The following BIRC6 variants were observed in gnomAD, a reference collection of about 807,000 sequenced individuals.
BIRC6 encodes the protein baculoviral IAP repeat containing 6, also known as dual E2 ubiquitin-conjugating enzyme/E3 ubiquitin-protein ligase BIRC6.
In BIRC6, 98 loss-of-function variants were observed where a neutral mutation model predicts 503.3. The ratio of observed to expected loss-of-function variants is 0.19; its 90% CI spans 0.17 to 0.23. BIRC6 has a LOEUF of 0.23. Among genes scored for constraint, BIRC6 ranks in the 10% least tolerant of loss-of-function variants. The probability of loss-of-function intolerance (pLI) is 1.00; values close to 1 mark genes in which losing one functional copy is unlikely to be tolerated. For missense variants in BIRC6, 5,360 were observed against 5,806.0 expected (o/e 0.92, Z 2.50); for synonymous variants, 2,240 against 2,078.7 (o/e 1.08, Z -2.11).
chr2:32,400,439 A>G (rs1381756981), intron 6 of BIRC6, among the ~76,000 whole-genome samples: 2 of 150,732 alleles, frequency 1.3e-5, no homozygotes, highest in Admixed American at 1.3e-4. Context: ...CCTGGGTTCA[A>G]GCAATTCTTC....
chr2:32,608,118 A>G (rs1361355198), intron 72 of BIRC6, among the ~76,000 whole-genome samples: 1 of 150,672 alleles, frequency 6.6e-6, no homozygotes, highest in Admixed American at 6.6e-5. Flanking sequence ...CAATATAGCA[A>G]GACCCCATCT....
chr2:32,513,630 G>A (rs2054672979), intron 54 of BIRC6, among the ~76,000 whole-genome samples: 1 of 152,166 alleles, frequency 6.6e-6, no homozygotes, highest in Admixed American at 6.5e-5. Flanking sequence ...AAGTCAGAAA[G>A]CTGGGCACAG....
intron 39 of BIRC6, among the ~76,000 whole-genome samples, 179 bp from the exon 40 acceptor site, chr2:32,485,464 C>A (rs901765057): frequency 1.3e-5 from 2 of 152,046 alleles, no homozygotes; most frequent in Non-Finnish European, 2.9e-5. Context: ...CTGTCTCTAC[C>A]CTCCTTTCCA....
At chr2:32,562,134 C>T (rs1198659204) in intron 65 of BIRC6, among the ~76,000 whole-genome samples, 2 of 151,978 alleles carry the variant, frequency 1.3e-5, no homozygotes, top group Non-Finnish European at 2.9e-5. Flanking sequence ...CTCTTTTTCC[C>T]CTTCTCTTCC....
chr2:32,358,232 C>G (rs960468896), intron 1 of BIRC6, among the ~76,000 whole-genome samples: 3 of 152,158 alleles, frequency 2.0e-5, no homozygotes, highest in African/African-American at 4.8e-5. Flanking sequence ...GAAATAGATT[C>G]CTTTGGGTTT....
intron 61 of BIRC6, among the ~76,000 whole-genome samples, chr2:32,537,532 T>C (rs1379594309): frequency 6.6e-6 from 1 of 152,218 alleles, no homozygotes; most frequent in Non-Finnish European, 1.5e-5. Context: ...TAGAATTTTA[T>C]ACTCATTGGA....
chr2:32,374,955 G>A (rs1007786388), intron 1 of BIRC6, among the ~76,000 whole-genome samples: 4 of 152,138 alleles, frequency 2.6e-5, no homozygotes, highest in Non-Finnish European at 4.4e-5. Flanking sequence ...CATTTGGGGA[G>A]TGTTGAGGTT....
intron 61 of BIRC6, among the ~76,000 whole-genome samples, chr2:32,542,990 G>GTGTT (rs147682679): frequency 0.016 from 2,487 of 152,130 alleles, 50 homozygotes; most frequent in African/African-American, 0.058. Context: ...AGTAGAGACG[G>GTGTT]TGTTTCACCG....
intron 15 of BIRC6, among the ~76,000 whole-genome samples, chr2:32,438,566 T>C (rs1044277154): frequency 6.7e-6 from 1 of 149,734 alleles, no homozygotes; most frequent in Non-Finnish European, 1.5e-5. Flanking sequence ...TTCTTTTTTT[T>C]TTTTTTTTTT....
At chr2:32,496,906 A>G (rs149493609) in intron 45 of BIRC6, among the ~76,000 whole-genome samples, 96 of 152,292 alleles carry the variant, frequency 6.3e-4, no homozygotes, top group African/African-American at 2.2e-3. Context: ...GACTTCAAGT[A>G]TGCTGTTGAG....
chr2:32,375,686 A>G (rs2036646405), intron 1 of BIRC6, among the ~76,000 whole-genome samples: 1 of 151,824 alleles, frequency 6.6e-6, no homozygotes, highest in South Asian at 2.1e-4. Context: ...CAGATGACAT[A>G]CATTTACCGT....
intron 65 of BIRC6, among the ~76,000 whole-genome samples, chr2:32,566,712 T>A (rs915033968): frequency 1.4e-4 from 22 of 152,304 alleles, no homozygotes; most frequent in African/African-American, 4.3e-4. Flanking sequence ...AAATATGATA[T>A]ACCTGTTTAT....
Position 32,400,336 on chromosome 2 carries a change from C to CTTTTT in BIRC6, c.1035-811_1035-807dup, listed in dbSNP as rs746431747. On this transcript the variant is annotated intron_variant, in intron 6 of 73. Transcript: ENST00000421745. Reference sequence around the variant, plus strand: ...ACTAGAGATCTTTCTGCTTTCAGATCTTTTTTTTTTTTTTTTTTTTGAGGT... The same window carrying CTTTTT: ...ACTAGAGATCTTTCTGCTTTCAGATCTTTTTTTTTTTTTTTTTTTTTTTTTGAGGT... 4.6e-4 allele frequency among the ~76,000 whole-genome samples: 55 copies of CTTTTT among 118,324 alleles called. 3 individuals carry two copies. The highest frequency in any genetic ancestry group is 2.6e-4 in the South Asian group (1 of 3,786). The allele number at this position is 118,324 out of a possible 152,430, so 77.6% of individuals were successfully genotyped here. A position where few individuals can be genotyped will look rare whatever the true frequency, so the allele number is the denominator to read the frequency against.
chr2:32,447,583 GGGCGGCTGGCCA>G (rs1232702514), intron 21 of BIRC6, among the ~76,000 whole-genome samples: 3 of 116,764 alleles, frequency 2.6e-5, no homozygotes, highest in African/African-American at 1.1e-4. Flanking sequence ...CTCCCGGACG[GGGCGGCTGGCCA>G]GGCGGGGGGC....
At chr2:32,583,245 T>C (rs1225960575) in intron 66 of BIRC6, among the ~76,000 whole-genome samples, 1 of 152,236 alleles carries the variant, frequency 6.6e-6, no homozygotes, top group Non-Finnish European at 1.5e-5. Context: ...TTGACAATTC[T>C]TTAGGCAGTT....
chr2:32,529,887 A>G (rs2056585863), intron 60 of BIRC6, 63 bp downstream of exon 60: 3 of 1,069,608 alleles, frequency 2.8e-6, no homozygotes, highest in Admixed American at 3.6e-5. Context: ...AGATTTCTAT[A>G]GCTAATGACT....
chr2:32,521,334 A>G (rs1334383154), intron 57 of BIRC6, among the ~76,000 whole-genome samples: 1 of 122,496 alleles, frequency 8.2e-6, no homozygotes, highest in African/African-American at 3.0e-5. Flanking sequence ...TGAGTTCCAG[A>G]CCACCTGGGC....
Position 32,529,707 on chromosome 2 carries a change from C to G in BIRC6, c.11977C>G (p.Arg3993Gly). The change falls in exon 60 of 74, where the codon CGA becomes GGA. Residue 3993 changes from arginine to glycine, a missense_variant. Physicochemically the swap from Arg to Gly is moderately radical, Grantham distance 125. Coordinates refer to ENST00000421745, the MANE Select transcript of BIRC6 (RefSeq NM_016252.4). ...LAQLLTLLYD[R>G]KLPQGYRSID... ...CCAGCTTTTAACTCTCCTATATGAC[C>G]GAAAACTTCCTCAGGGTTACCGCTC... 1 of 1,613,022 alleles carries G rather than the reference C, an allele frequency of 6.2e-7. No homozygotes were observed.
At chr2:32,400,529 G>A (rs190215341) in intron 6 of BIRC6, among the ~76,000 whole-genome samples, 10 of 151,914 alleles carry the variant, frequency 6.6e-5, no homozygotes, top group Admixed American at 6.6e-4. Flanking sequence ...AGTAGAGACG[G>A]GGTTTCACCG....
Sources: gnomAD v4.1 joint callset for allele counts (sites outside exome capture counted in the v4.1 genomes callset) on GRCh38, gnomAD v4.1.1 for gene constraint, MANE v1.5 for transcripts, NCBI Gene and HGNC (gene_info 2026-07-23, HGNC 2026-07-21) for gene names.